NWD2: variants seen among roughly 807,000 people sequenced by gnomAD.
NWD2 encodes the protein NACHT and WD repeat domain containing 2.
A neutral mutation model predicts 132.7 loss-of-function variants in NWD2; 37 were observed. The observed-to-expected ratio is 0.28, with a 90% CI of 0.21 to 0.37. The LOEUF (loss-of-function observed/expected upper bound fraction) is 0.37. NWD2 is among the 10% of genes least tolerant of loss of function. NWD2 has a pLI of 1.00. For synonymous variants in NWD2, 705 were observed against 803.0 expected (o/e 0.88, Z 2.06); for missense variants, 1,592 against 2,122.4 (o/e 0.75, Z 4.91).
intron 3 of NWD2, among the ~76,000 whole-genome samples, chr4:37,417,411 TA>T (rs1711650220): frequency 1.3e-5 from 2 of 152,070 alleles, no homozygotes; most frequent in South Asian, 2.1e-4. Context: ...AATTTTAAAA[TA>T]AAAAACATAT....
At chr4:37,389,409 A>G (rs10013737) in intron 3 of NWD2, among the ~76,000 whole-genome samples, 53,574 of 152,146 alleles carry the variant, frequency 0.35, 9,838 homozygotes, top group African/African-American at 0.46. Flanking sequence ...CAAACTTTCA[A>G]TATTTTACAG....
chr4:37,301,213 T>C (rs1718605772), intron 1 of NWD2, among the ~76,000 whole-genome samples: 1 of 152,112 alleles, frequency 6.6e-6, no homozygotes, highest in African/African-American at 2.4e-5. Context: ...TTGTAGGTAA[T>C]CTGTATTTTT....
chr4:37,277,726 T>C (rs1444770369), intron 1 of NWD2, among the ~76,000 whole-genome samples: 1 of 152,154 alleles, frequency 6.6e-6, no homozygotes, highest in African/African-American at 2.4e-5. Flanking sequence ...CAGTTTCTAC[T>C]GACTACTTTT....
At chr4:37,372,543 T>G (rs906034543) in intron 3 of NWD2, among the ~76,000 whole-genome samples, 1 of 152,260 alleles carries the variant, frequency 6.6e-6, no homozygotes, top group Non-Finnish European at 1.5e-5. Flanking sequence ...GATATGTTCA[T>G]GTCAAACTAC....
chr4:37,380,248 G>T (rs564541846), intron 3 of NWD2, among the ~76,000 whole-genome samples: 1 of 152,150 alleles, frequency 6.6e-6, no homozygotes, highest in Non-Finnish European at 1.5e-5. Context: ...GATAAAGTCC[G>T]GACTCTTAAC....
chr4:37,273,781 C>T (rs982136297), intron 1 of NWD2, among the ~76,000 whole-genome samples: 3 of 152,122 alleles, frequency 2.0e-5, no homozygotes, highest in African/African-American at 7.2e-5. Context: ...GAAACTCACT[C>T]AAAACAGCTC....
chr4:37,278,207 G>T (rs571346866), intron 1 of NWD2, among the ~76,000 whole-genome samples: 1 of 152,108 alleles, frequency 6.6e-6, no homozygotes, highest in Non-Finnish European at 1.5e-5. Flanking sequence ...ATAACCTTAG[G>T]TTTAGTTAGG....
intron 3 of NWD2, among the ~76,000 whole-genome samples, chr4:37,411,299 G>T (rs1009025857): frequency 6.6e-6 from 1 of 152,258 alleles, no homozygotes; most frequent in East Asian, 1.9e-4. Flanking sequence ...TGATACAGGG[G>T]ATATCACCAC....
Position 37,445,687 on chromosome 4 carries a change from C to T in NWD2, c.3699C>T (p.Arg1233=), listed in dbSNP as rs1178736344. 6.4e-7 allele frequency: 1 copy of T among 1,551,908 alleles called. No homozygotes were observed. Among genetic ancestry groups the T allele is most frequent in the African/African-American group, 1.4e-5 (1 of 73,058 alleles). The change falls in exon 7 of 7, where the codon CGC becomes CGT. Residue 1233 remains arginine (R), a synonymous_variant. Coordinates refer to ENST00000309447, the MANE Select transcript of NWD2 (RefSeq NM_001144990.2). This position sits in a 1 kb window ranked among gnomAD's most constrained non-coding sequence, Gnocchi z 4.7. ...AEKFRAKHNE[R]FISAVLSKNG... is the part of the protein sequence containing the mutation. ...AGTTCAGAGCCAAGCACAACGAACG[C>T]TTTATATCTGCCGTGCTGTCTAAAA...
intron 1 of NWD2, among the ~76,000 whole-genome samples, chr4:37,279,397 A>G (rs908436921): frequency 6.6e-6 from 1 of 152,202 alleles, no homozygotes; most frequent in Non-Finnish European, 1.5e-5. Context: ...CCATAATTCC[A>G]TAGTGAAATC....
chr4:37,367,786 C>T (rs531870516), intron 3 of NWD2, among the ~76,000 whole-genome samples: 3 of 152,218 alleles, frequency 2.0e-5, no homozygotes, highest in South Asian at 4.1e-4. Flanking sequence ...GTTATTTCTC[C>T]GTCTCTATCA....
At chr4:37,295,149 G>A (rs913735584) in intron 1 of NWD2, among the ~76,000 whole-genome samples, 3 of 152,144 alleles carry the variant, frequency 2.0e-5, no homozygotes, top group Non-Finnish European at 2.9e-5. Flanking sequence ...GAAAAGGTAA[G>A]GCAGCTTCTT....
intron 3 of NWD2, among the ~76,000 whole-genome samples, chr4:37,415,575 G>T (rs1403678089): frequency 6.6e-6 from 1 of 151,926 alleles, no homozygotes; most frequent in Admixed American, 6.6e-5. Context: ...GTGGTGGCAG[G>T]TGCCTGTAGT....
intron 3 of NWD2, among the ~76,000 whole-genome samples, chr4:37,395,865 C>T (rs1720783621): frequency 6.6e-6 from 1 of 151,716 alleles, no homozygotes; most frequent in Non-Finnish European, 1.5e-5. Flanking sequence ...AGAGGCAGAC[C>T]CTTTAAACTG....
intron 1 of NWD2, among the ~76,000 whole-genome samples, chr4:37,299,133 A>G (rs7661917): frequency 0.015 from 2,244 of 152,194 alleles, 66 homozygotes; most frequent in African/African-American, 0.052. Context: ...CACCTCATAT[A>G]TGGATTACTG....
At position 37,444,860 on chromosome 4, in the gene NWD2, C is replaced by T; in HGVS notation, c.2872C>T (p.Pro958Ser). 2 of 1,552,240 alleles carry T rather than the reference C, an allele frequency of 1.3e-6. No individual in the cohort carries two copies. The highest frequency in any genetic ancestry group is 1.7e-6 in the Non-Finnish European group (2 of 1,147,116). Residue 958 changes from proline (P) to serine (S), a missense_variant, in exon 7 of 7, where the codon CCA becomes TCA. This residue lies in a region of NWD2 where 1,071 missense variants were observed against 1,398.0 expected (regional missense o/e 0.77). Coordinates refer to ENST00000309447, the MANE Select transcript of NWD2 (RefSeq NM_001144990.2). The surrounding 1 kb of genome is among the most constrained non-coding windows in gnomAD (Gnocchi z 4.8). ...LHSSMDVTYS[P>S]ERLPLSSSHL... is the part of the protein sequence containing the mutation. ...TTCATCCATGGATGTGACATACAGC[C>T]CAGAGCGTCTTCCCTTATCATCCAG... is the stretch of plus-strand genomic sequence containing the variant.
chr4:37,282,897 T>C (rs1718157425), intron 1 of NWD2, among the ~76,000 whole-genome samples: 1 of 152,198 alleles, frequency 6.6e-6, no homozygotes, highest in African/African-American at 2.4e-5. Flanking sequence ...CAGGTACTGT[T>C]TATAACACCC....
chr4:37,366,320 G>A lies in NWD2; in HGVS notation c.357+9838G>A, dbSNP rs369662671. Among the ~76,000 whole-genome samples, 29 of 152,180 alleles carry A rather than the reference G, an allele frequency of 1.9e-4. No homozygotes were observed. The East Asian group carries it at 3.1e-3, about 16-fold the overall frequency. ...CAGAATCTAAAACTGCAACCGAGCC[G>A]CGGCCCAGTTCAGTTACTAATGGGA... On this transcript the variant is annotated intron_variant, in intron 3 of 6. Transcript: ENST00000309447.
At position 37,430,577 on chromosome 4, in the gene NWD2, A is replaced by G. The variant is rs1399173034; in HGVS notation, c.363A>G (p.Leu121=). 7 of 1,550,974 alleles carry G rather than the reference A, an allele frequency of 4.5e-6. No homozygotes were observed. In the Admixed American group the frequency reaches 5.9e-5, roughly 13 times the overall value. Residue 121 remains leucine (L), a synonymous_variant, in exon 4 of 7, where the codon CTA becomes CTG. Coordinates refer to ENST00000309447, the MANE Select transcript of NWD2 (RefSeq NM_001144990.2). ...ACTTTCTTGTTGATACACAGGGACT[A>G]TTAGGTGAAAAATATGGGAATATCC... ...KTSAGPCFVG[L]LGEKYGNIRI...
Sources: allele counts gnomAD v4.1 joint callset (sites outside exome capture counted in the v4.1 genomes callset), GRCh38; gene constraint gnomAD v4.1.1; regional missense constraint gnomAD v4.1.1; non-coding constraint Gnocchi (gnomAD v3.1); transcripts MANE v1.5; gene names NCBI Gene and HGNC (gene_info 2026-07-23, HGNC 2026-07-21).